The following PTPN21 variants were observed in gnomAD, a reference collection of about 807,000 sequenced individuals.
PTPN21 encodes the protein protein tyrosine phosphatase non-receptor type 21.
PTPN21 carries 77 observed loss-of-function variants against 131.8 expected under a neutral mutation model. The ratio of observed to expected loss-of-function variants is 0.58; its 90% CI spans 0.49 to 0.71. The LOEUF (loss-of-function observed/expected upper bound fraction) is 0.71, where lower values mean the gene tolerates loss of function less well. Ranked by LOEUF, PTPN21 falls within the 30% of genes least tolerant of loss-of-function variation. The pLI, the probability that PTPN21 is intolerant of heterozygous loss-of-function variation, is 0.00. For missense variants in PTPN21, 1,552 were observed against 1,527.1 expected (o/e 1.02, Z -0.27); for synonymous variants, 715 against 621.3 (o/e 1.15, Z -2.24).
chr14:88,546,998 A>T (rs2078792325), intron 2 of PTPN21, among the ~76,000 whole-genome samples: 1 of 152,210 alleles, frequency 6.6e-6, no homozygotes, highest in African/African-American at 2.4e-5. Flanking sequence ...AACATTTTCT[A>T]GGGACCATGC....
At chr14:88,523,107 C>T (rs762054304) in intron 2 of PTPN21, among the ~76,000 whole-genome samples, 3 of 152,230 alleles carry the variant, frequency 2.0e-5, no homozygotes, top group Middle Eastern at 6.8e-3. Flanking sequence ...TATAGGCCAG[C>T]ATTACCCCAA....
intron 2 of PTPN21, among the ~76,000 whole-genome samples, chr14:88,525,551 T>C (rs1215731935): frequency 1.3e-5 from 2 of 152,096 alleles, no homozygotes; most frequent in African/African-American, 2.4e-5. Context: ...ATTTAAAAAA[T>C]AGGAAGTAAA....
chr14:88,485,229 C>T, intron 11 of PTPN21, 69 bp from the exon 12 acceptor site: 1 of 968,826 alleles, frequency 1.0e-6, no homozygotes, highest in Non-Finnish European at 1.5e-6. Flanking sequence ...AGTTATTATC[C>T]ACTGGATTCT....
At chr14:88,517,487 A>G (rs1465582204) in intron 2 of PTPN21, among the ~76,000 whole-genome samples, 2 of 152,174 alleles carry the variant, frequency 1.3e-5, no homozygotes, top group South Asian at 2.1e-4. Context: ...TTGCTCTTGC[A>G]TATCATTTAC....
At chr14:88,508,397 T>C (rs909332473) in intron 3 of PTPN21, among the ~76,000 whole-genome samples, 3 of 152,088 alleles carry the variant, frequency 2.0e-5, no homozygotes, top group African/African-American at 7.2e-5. Flanking sequence ...GCAATCCTAG[T>C]GCTTGGATTC....
intron 8 of PTPN21, among the ~76,000 whole-genome samples, chr14:88,499,741 T>C (rs1053063855): frequency 6.6e-5 from 10 of 152,166 alleles, no homozygotes; most frequent in African/African-American, 1.2e-4. Context: ...ACAGAAGTGA[T>C]AGAATATGTT....
intron 3 of PTPN21, among the ~76,000 whole-genome samples, chr14:88,510,973 C>T (rs1225789071): frequency 2.0e-5 from 3 of 150,072 alleles, no homozygotes; most frequent in Admixed American, 6.7e-5. Context: ...AGTGCAATGG[C>T]GTAATCAGGG....
intron 10 of PTPN21, among the ~76,000 whole-genome samples, chr14:88,493,777 C>G (rs2077861931): frequency 6.6e-6 from 1 of 151,950 alleles, no homozygotes; most frequent in Admixed American, 6.5e-5. Flanking sequence ...TTAGATGTCA[C>G]TTGGCTGGGT....
chr14:88,530,734 T>C (rs985449766), intron 2 of PTPN21, among the ~76,000 whole-genome samples: 4 of 151,434 alleles, frequency 2.6e-5, no homozygotes, highest in Admixed American at 6.6e-5. Flanking sequence ...AACAGGAAAA[T>C]ATTACCATCC....
chr14:88,533,185 C>G (rs2078577653), intron 2 of PTPN21, among the ~76,000 whole-genome samples: 1 of 152,144 alleles, frequency 6.6e-6, no homozygotes, highest in Admixed American at 6.5e-5. Context: ...GCATATTTTC[C>G]AAAGCCAAAC....
chr14:88,505,160 CTT>C, intron 5 of PTPN21, 142 bp downstream of exon 5: 1 of 655,932 alleles, frequency 1.5e-6, no homozygotes, highest in Non-Finnish European at 2.6e-6. Flanking sequence ...AGCAGTCACA[CTT>C]GAGATGTTTA....
chr14:88,532,745 G>A (rs2078571990), intron 2 of PTPN21, among the ~76,000 whole-genome samples: 1 of 152,126 alleles, frequency 6.6e-6, no homozygotes, highest in Non-Finnish European at 1.5e-5. Flanking sequence ...GTAGAGGGAA[G>A]TGATGGGCAA....
intron 4 of PTPN21, among the ~76,000 whole-genome samples, chr14:88,506,780 A>G (rs2139286034): frequency 6.6e-6 from 1 of 152,260 alleles, no homozygotes; most frequent in Non-Finnish European, 1.5e-5. Flanking sequence ...GGTGGCTCAC[A>G]TCTATAATCC....
chr14:88,508,959 C>A (rs1476564048), intron 3 of PTPN21, among the ~76,000 whole-genome samples: 1 of 152,160 alleles, frequency 6.6e-6, no homozygotes, highest in Non-Finnish European at 1.5e-5. Context: ...AATTAGTATT[C>A]TGCACGAACT....
chr14:88,504,584 C>T (rs947376450), intron 5 of PTPN21, 89 bp from the exon 6 acceptor site: 18 of 980,594 alleles, frequency 1.8e-5, no homozygotes, highest in Non-Finnish European at 2.4e-5. Context: ...TGACTCTCGT[C>T]ACTATCAGGC....
chr14:88,544,497 C>T (rs1034416631), intron 2 of PTPN21, among the ~76,000 whole-genome samples: 1 of 152,108 alleles, frequency 6.6e-6, no homozygotes. Flanking sequence ...ATACCAGGTC[C>T]TTTGCTAAAT....
intron 1 of PTPN21, among the ~76,000 whole-genome samples, chr14:88,551,018 G>C (rs1041511200): frequency 6.6e-6 from 1 of 152,090 alleles, no homozygotes; most frequent in Non-Finnish European, 1.5e-5. Context: ...AGTGAGAAAA[G>C]TGCCAAATGG....
At chr14:88,535,249 G>A (rs766785516) in intron 2 of PTPN21, among the ~76,000 whole-genome samples, 2 of 152,164 alleles carry the variant, frequency 1.3e-5, no homozygotes. Context: ...GCTATACCAC[G>A]TAGGTTTAAG....
intron 10 of PTPN21, 69 bp downstream of exon 10, chr14:88,496,344 C>T (rs2077915414): frequency 1.5e-6 from 2 of 1,309,870 alleles, no homozygotes; most frequent in Non-Finnish European, 2.2e-6. Context: ...CTTGATGATA[C>T]AGTATACTCA....
Sources: allele counts gnomAD v4.1 joint callset (sites outside exome capture counted in the v4.1 genomes callset), GRCh38; gene constraint gnomAD v4.1.1; transcripts MANE v1.5; gene names NCBI Gene and HGNC (gene_info 2026-07-23, HGNC 2026-07-21).